The following SEMA4D variants were observed in gnomAD, a reference collection of about 807,000 sequenced individuals.
SEMA4D encodes the protein semaphorin 4D.
In SEMA4D, 22 loss-of-function variants were observed where a neutral mutation model predicts 74.8. The ratio of observed to expected loss-of-function variants is 0.29; its 90% CI spans 0.21 to 0.42. The LOEUF is 0.42. Ranked by LOEUF, SEMA4D falls within the 10% of genes least tolerant of loss-of-function variation. The pLI is 1.00. For synonymous variants in SEMA4D, 445 were observed against 463.7 expected (o/e 0.96, Z 0.52); for missense variants, 937 against 1,118.4 (o/e 0.84, Z 2.31).
chr9:89,440,698 G>GCCGTGCTA (rs1487926857), intron 2 of SEMA4D, among the ~76,000 whole-genome samples: 2 of 152,226 alleles, frequency 1.3e-5, no homozygotes, highest in East Asian at 3.8e-4. Context: ...CGTGCCACAT[G>GCCGTGCTA]CCGTGCTAAG....
chr9:89,477,667 G>A (rs1862111306), intron 1 of SEMA4D, among the ~76,000 whole-genome samples: 2 of 152,216 alleles, frequency 1.3e-5, no homozygotes, highest in African/African-American at 4.8e-5. Flanking sequence ...GCACGCATGT[G>A]TGTGCATCTG....
At chr9:89,405,977 G>C in intron 2 of SEMA4D, 4 of 1,091,474 alleles carry the variant, frequency 3.7e-6, no homozygotes, top group Non-Finnish European at 4.4e-6. Context: ...TGGGGCACCC[G>C]GCAGACACAC....
intron 2 of SEMA4D, among the ~76,000 whole-genome samples, chr9:89,416,483 G>A (rs1009202862): frequency 6.6e-6 from 1 of 152,140 alleles, no homozygotes; most frequent in Non-Finnish European, 1.5e-5. Context: ...CGACCCACCT[G>A]TGTCAACAGA....
chr9:89,488,091 T>C (rs1028558622), intron 1 of SEMA4D, among the ~76,000 whole-genome samples: 1 of 152,168 alleles, frequency 6.6e-6, no homozygotes, highest in Non-Finnish European at 1.5e-5. Flanking sequence ...CAGGAGTTAC[T>C]ACAGAGACAG....
exon 17 of SEMA4D, chr9:89,363,907 A>C: frequency 6.2e-7 from 1 of 1,614,100 alleles, no homozygotes; most frequent in Non-Finnish European, 8.5e-7. Flanking sequence ...AGGTCTCCAG[A>C]GCTCGCCCAT....
At chr9:89,408,531 C>T (rs929547833) in intron 2 of SEMA4D, among the ~76,000 whole-genome samples, 1 of 152,222 alleles carries the variant, frequency 6.6e-6, no homozygotes, top group African/African-American at 2.4e-5. Flanking sequence ...TCCTTTCTCC[C>T]GTTCCATGTG....
intron 2 of SEMA4D, among the ~76,000 whole-genome samples, chr9:89,435,517 A>G (rs1055717040): frequency 2.6e-5 from 4 of 151,704 alleles, no homozygotes; most frequent in Non-Finnish European, 5.9e-5. Context: ...CCTTTCCCCA[A>G]CTCACAGAGA....
At chr9:89,458,499 C>CACATGCCACAA (rs981208888) in intron 1 of SEMA4D, among the ~76,000 whole-genome samples, 2 of 151,790 alleles carry the variant, frequency 1.3e-5, no homozygotes, top group Non-Finnish European at 3.0e-5. Flanking sequence ...ACATGCCACA[C>CACATGCCACAA]ACATGCCACA....
At chr9:89,429,530 G>C (rs1203000835) in intron 2 of SEMA4D, among the ~76,000 whole-genome samples, 2 of 152,200 alleles carry the variant, frequency 1.3e-5, no homozygotes, top group Non-Finnish European at 2.9e-5. Context: ...CTGCATCAGA[G>C]ACAAACTCAG....
At chr9:89,450,169 T>A (rs4876983) in intron 2 of SEMA4D, 1,220,912 of 1,256,972 alleles carry the variant, frequency 0.97, 595,132 homozygotes, top group Non-Finnish European at 1. Context: ...ATTACCCAGA[T>A]TCCCACAGAC....
intron 16 of SEMA4D, among the ~76,000 whole-genome samples, chr9:89,366,340 A>T (rs1029642094): frequency 6.6e-6 from 1 of 152,222 alleles, no homozygotes; most frequent in African/African-American, 2.4e-5. Flanking sequence ...AACTTATAAC[A>T]AACAAGCATT....
chr9:89,376,959 G>A, downstream of SEMA4D: 1 of 1,550,636 alleles, frequency 6.4e-7, no homozygotes, highest in East Asian at 2.4e-5. Context: ...GCTGGCCAGG[G>A]GGTCCAGGGA....
intron 2 of SEMA4D, among the ~76,000 whole-genome samples, chr9:89,451,980 AC>A (rs1587997867): frequency 6.6e-6 from 1 of 152,152 alleles, no homozygotes; most frequent in East Asian, 1.9e-4. Flanking sequence ...CAGCTAGGAT[AC>A]TAAGCAGGGA....
intron 9 of SEMA4D, among the ~76,000 whole-genome samples, chr9:89,389,402 TTG>T (rs1839313124): frequency 6.6e-6 from 1 of 152,204 alleles, no homozygotes; most frequent in South Asian, 2.1e-4. Flanking sequence ...GCCCCTGGCA[TTG>T]TGTGACTTTC....
chr9:89,422,789 G>A (rs1041187638), intron 2 of SEMA4D, among the ~76,000 whole-genome samples: 1 of 152,186 alleles, frequency 6.6e-6, no homozygotes, highest in African/African-American at 2.4e-5. Flanking sequence ...ACCACACAGA[G>A]GGCACTGGGA....
At chr9:89,480,120 G>A (rs1222404527) in intron 1 of SEMA4D, among the ~76,000 whole-genome samples, 1 of 152,008 alleles carries the variant, frequency 6.6e-6, no homozygotes, top group Non-Finnish European at 1.5e-5. Flanking sequence ...GTGTCGATTG[G>A]TGCACTCACA....
chr9:89,464,322 T>C (rs1858100573), intron 1 of SEMA4D, among the ~76,000 whole-genome samples: 1 of 152,208 alleles, frequency 6.6e-6, no homozygotes, highest in African/African-American at 2.4e-5. Context: ...AATCCTGCCT[T>C]CCGACCTGGG....
In SEMA4D at chr9:89,450,520, T is replaced by G. The variant is rs181517525; in HGVS notation, c.-244+5368A>C. On this transcript the variant is annotated intron_variant, in intron 2 of 15. Coordinates refer to ENST00000422704, the MANE Select transcript of SEMA4D (RefSeq NM_001371194.2). The stretch of plus-strand genomic sequence containing the variant: ...GGTGAATTTGTTGCCCAGTTTAAAT[T>G]TACAGTTCTGCTCCTGCCCAATGGC... 536 of 1,227,822 alleles carry G rather than the reference T, an allele frequency of 4.4e-4. 5 individuals are homozygous for G. The East Asian group carries it at 0.011, about 24-fold the overall frequency. 76.1% of individuals were successfully genotyped at this position (1,227,822 alleles called of 1,614,324 possible).
At chr9:89,467,531 ATTT>A (rs35017295) in intron 1 of SEMA4D, among the ~76,000 whole-genome samples, 1 of 128,358 alleles carries the variant, frequency 7.8e-6, no homozygotes. Flanking sequence ...GGAGCGCATG[ATTT>A]TTTTTTTTTT....
Sources: allele counts gnomAD v4.1 joint callset (sites outside exome capture counted in the v4.1 genomes callset), GRCh38; gene constraint gnomAD v4.1.1; transcripts MANE v1.5; gene names NCBI Gene and HGNC (gene_info 2026-07-23, HGNC 2026-07-21).